PLEKHA5: variants seen among roughly 807,000 people sequenced by gnomAD.
The protein encoded by PLEKHA5 is pleckstrin homology domain containing A5.
A neutral mutation model predicts 181.9 loss-of-function variants in PLEKHA5; 55 were observed. The ratio of observed to expected loss-of-function variants is 0.30; its 90% CI spans 0.24 to 0.38. PLEKHA5 has a LOEUF of 0.38. Among genes scored for constraint, PLEKHA5 ranks in the 10% least tolerant of loss-of-function variants. The pLI is 1.00. For synonymous variants in PLEKHA5, 535 were observed against 529.4 expected, an observed-to-expected ratio of 1.01 and a Z score of -0.15; for missense variants, 1,432 against 1,549.5, an observed-to-expected ratio of 0.92 and a Z score of 1.27.
chr12:19,261,610 G>T (rs1398412245), intron 7 of PLEKHA5, among the ~76,000 whole-genome samples: 1 of 152,110 alleles, frequency 6.6e-6, no homozygotes, highest in African/African-American at 2.4e-5. Flanking sequence ...GCCAATGAAA[G>T]GCATACCTGG....
intron 27 of PLEKHA5, 104 bp from the exon 28 acceptor site, chr12:19,359,308 T>G: frequency 1.0e-6 from 1 of 959,458 alleles, no homozygotes. Context: ...TCTTCATGAG[T>G]GGAGATCCAG....
At chr12:19,212,657 G>T (rs1390838752) in intron 3 of PLEKHA5, among the ~76,000 whole-genome samples, 1 of 152,014 alleles carries the variant, frequency 6.6e-6, no homozygotes, top group Admixed American at 6.6e-5. Context: ...AAAAGAAAAA[G>T]AAAAATTAAT....
intron 30 of PLEKHA5, among the ~76,000 whole-genome samples, chr12:19,367,530 C>G (rs1332685626): frequency 6.6e-6 from 1 of 151,870 alleles, no homozygotes; most frequent in Non-Finnish European, 1.5e-5. Flanking sequence ...GCTAGGATTA[C>G]AGGCGTGAGC....
At chr12:19,259,313 G>C (rs561166229) in intron 6 of PLEKHA5, among the ~76,000 whole-genome samples, 2 of 152,136 alleles carry the variant, frequency 1.3e-5, no homozygotes, top group African/African-American at 4.8e-5. Flanking sequence ...CTTGCAGTGA[G>C]GTATGATCAT....
intron 3 of PLEKHA5, among the ~76,000 whole-genome samples, chr12:19,157,097 T>TACACGCAC (rs1555227638): frequency 1.4e-5 from 2 of 143,208 alleles, no homozygotes; most frequent in African/African-American, 2.6e-5. Context: ...TATATGTACA[T>TACACGCAC]ACACACACAC....
intron 10 of PLEKHA5, among the ~76,000 whole-genome samples, chr12:19,274,293 G>T (rs972317230): frequency 6.6e-6 from 1 of 152,114 alleles, no homozygotes; most frequent in Non-Finnish European, 1.5e-5. Flanking sequence ...TTACGCTCTA[G>T]TTCTTTATGT....
chr12:19,295,726 A>G (rs1340949566), intron 15 of PLEKHA5, among the ~76,000 whole-genome samples: 1 of 152,086 alleles, frequency 6.6e-6, no homozygotes, highest in African/African-American at 2.4e-5. Flanking sequence ...AAACCATTTG[A>G]TGATATTTGG....
chr12:19,142,405 A>G (rs1432191516), intron 3 of PLEKHA5, among the ~76,000 whole-genome samples: 1 of 152,188 alleles, frequency 6.6e-6, no homozygotes, highest in Non-Finnish European at 1.5e-5. Context: ...AACATAAAAT[A>G]TAAAACTCAG....
intron 3 of PLEKHA5, chr12:19,205,232 A>G (rs1428379056): frequency 5.0e-6 from 1 of 200,624 alleles, no homozygotes; most frequent in Non-Finnish European, 8.9e-6. Flanking sequence ...TGAAATACCA[A>G]GTCATTTAAA....
At chr12:19,233,749 C>T (rs973916662) in intron 3 of PLEKHA5, among the ~76,000 whole-genome samples, 1 of 152,106 alleles carries the variant, frequency 6.6e-6, no homozygotes, top group Non-Finnish European at 1.5e-5. Flanking sequence ...TGTGCTGAAA[C>T]GTTATTTGGT....
intron 3 of PLEKHA5, among the ~76,000 whole-genome samples, chr12:19,156,181 G>A (rs2041648438): frequency 6.7e-6 from 1 of 148,954 alleles, no homozygotes; most frequent in Non-Finnish European, 1.5e-5. Context: ...AAGGTTAGGA[G>A]CACTTCCTTG....
rs551710208 is a variant in PLEKHA5 at position 19,202,466 on chromosome 12, A to G, written c.228-51474A>G. Among the ~76,000 whole-genome samples, 5 of 152,084 alleles carry G rather than the reference A, an allele frequency of 3.3e-5. No homozygotes were observed. In the East Asian group the frequency reaches 9.7e-4, roughly 30 times the overall value. On this transcript the variant is annotated intron_variant, in intron 3 of 31. Transcript: ENST00000429027. ...ATCAGAGCAAACTCAAAATTTAGGG[A>G]GGTTTTACAGACTGGCTCCACTGAC...
chr12:19,327,007 A>G (rs76857188), intron 20 of PLEKHA5, among the ~76,000 whole-genome samples: 6,250 of 152,278 alleles, frequency 0.041, 141 homozygotes, highest in South Asian at 0.06. Flanking sequence ...TGCTATTGTA[A>G]ATAGTTCTGT....
intron 3 of PLEKHA5, among the ~76,000 whole-genome samples, chr12:19,213,662 A>G (rs370733856): frequency 1.1e-4 from 17 of 152,330 alleles, no homozygotes; most frequent in South Asian, 8.3e-4. Flanking sequence ...AATGTTTGAA[A>G]TAGTACAGTT....
intron 15 of PLEKHA5, chr12:19,306,839 A>C: frequency 1.2e-6 from 1 of 801,470 alleles, no homozygotes; most frequent in East Asian, 2.4e-5. Flanking sequence ...TCCTTGACAG[A>C]GCTTTGATAA....
intron 15 of PLEKHA5, among the ~76,000 whole-genome samples, chr12:19,303,061 A>G (rs2082063660): frequency 6.6e-6 from 1 of 151,300 alleles, no homozygotes; most frequent in Admixed American, 6.6e-5. Context: ...GAGTGAGACT[A>G]CAGGCGCACA....
In PLEKHA5 at chr12:19,343,516, A is replaced by G. The variant is rs931941119; in HGVS notation, c.2662+82A>G. 27 of 803,892 alleles carry G rather than the reference A, an allele frequency of 3.4e-5. No homozygotes were observed. In the Admixed American group the frequency reaches 4.1e-4, roughly 12 times the overall value. 49.8% of individuals were successfully genotyped at this position (803,892 alleles called of 1,614,324 possible). A position where few individuals can be genotyped will look rare whatever the true frequency, so the allele number is the denominator to read the frequency against. ...GCTTGGTGACAGATTACATTCTGAG[A>G]AATGCATTGTTAGGTGATTGTGTTG... is the stretch of plus-strand genomic sequence containing the variant. On this transcript the variant is annotated intron_variant, in intron 22 of 31. Transcript: ENST00000429027.
intron 3 of PLEKHA5, chr12:19,151,189 C>A (rs1322737963): frequency 6.6e-6 from 1 of 152,162 alleles, no homozygotes; most frequent in Non-Finnish European, 1.5e-5. Context: ...GGGAGAAAGT[C>A]CTTAACAGCC....
intron 3 of PLEKHA5, among the ~76,000 whole-genome samples, chr12:19,178,226 C>T (rs2047757209): frequency 6.6e-6 from 1 of 152,142 alleles, no homozygotes; most frequent in Admixed American, 6.5e-5. Flanking sequence ...TGGTAGCAAG[C>T]CACATATTTA....
Sources: allele counts gnomAD v4.1 joint callset (sites outside exome capture counted in the v4.1 genomes callset), GRCh38; gene constraint gnomAD v4.1.1; transcripts MANE v1.5; gene names NCBI Gene and HGNC (gene_info 2026-07-23, HGNC 2026-07-21).